The following FTO variants were observed in gnomAD, a reference collection of about 807,000 sequenced individuals.
The protein encoded by FTO is FTO alpha-ketoglutarate dependent dioxygenase.
FTO carries 47 observed loss-of-function variants against 63.9 expected under a neutral mutation model. The ratio of observed to expected loss-of-function variants is 0.74; its 90% confidence interval spans 0.58 to 0.94. The LOEUF (loss-of-function observed/expected upper bound fraction) is 0.94, where lower values mean the gene tolerates loss of function less well. FTO is among the 40% of genes least tolerant of loss of function. The pLI, the probability that FTO is intolerant of heterozygous loss-of-function variation, is 0.00. For missense variants in FTO, 562 were observed against 618.1 expected (o/e 0.91, Z 0.96); for synonymous variants, 207 against 224.4 (o/e 0.92, Z 0.69).
At chr16:54,067,678 A>G (rs550013023) in intron 8 of FTO, among the ~76,000 whole-genome samples, 2 of 152,320 alleles carry the variant, frequency 1.3e-5, no homozygotes, top group South Asian at 2.1e-4. Flanking sequence ...CTAATGTTCC[A>G]TGTAGTATTT....
rs1481097177 is a variant in FTO at position 54,113,004 on chromosome 16, A to T, written c.*1089A>T. The T allele has an allele frequency of 6.6e-6, 1 of 152,210 alleles. No homozygotes were observed. The highest frequency in any genetic ancestry group is 2.1e-4 in the South Asian group (1 of 4,826). The allele number at this position is 152,210 out of a possible 1,614,324, so 9.4% of individuals were successfully genotyped here. A position where few individuals can be genotyped will look rare whatever the true frequency, so the allele number is the denominator to read the frequency against. On this transcript the variant is annotated 3_prime_UTR_variant, in exon 9 of 9. Coordinates refer to ENST00000471389, the MANE Select transcript of FTO (RefSeq NM_001080432.3). ...GTCCTTTGGCATGTTAACGTGCCTC[A>T]GTTTCCTCATCTGTATAATGGGGAT...
At chr16:53,965,112 T>A (rs368922906) in intron 8 of FTO, among the ~76,000 whole-genome samples, 3 of 152,142 alleles carry the variant, frequency 2.0e-5, no homozygotes, top group Admixed American at 6.5e-5. Context: ...CTCCCTCTGT[T>A]GCCCAGGCTG....
intron 8 of FTO, among the ~76,000 whole-genome samples, chr16:54,051,940 G>A (rs985367949): frequency 2.0e-5 from 3 of 152,190 alleles, no homozygotes; most frequent in Admixed American, 1.3e-4. Context: ...AAGGTTGTTT[G>A]ATAACATCTC....
intron 3 of FTO, among the ~76,000 whole-genome samples, chr16:53,828,597 G>T (rs556480007): frequency 6.6e-6 from 1 of 152,126 alleles, no homozygotes; most frequent in Non-Finnish European, 1.5e-5. Flanking sequence ...CACCTACTAC[G>T]TGCTACATGC....
intron 8 of FTO, among the ~76,000 whole-genome samples, chr16:54,012,662 G>A (rs1178330653): frequency 1.3e-5 from 2 of 152,232 alleles, no homozygotes; most frequent in South Asian, 2.1e-4. Context: ...ACTTTAAGTC[G>A]AAGCTATTGC....
chr16:53,921,963 C>T (rs2151956337), intron 7 of FTO, among the ~76,000 whole-genome samples: 1 of 152,238 alleles, frequency 6.6e-6, no homozygotes, highest in East Asian at 1.9e-4. Context: ...AATTAGCATG[C>T]TAAGTACTTC....
chr16:53,796,100 G>A (rs551460853), intron 1 of FTO, among the ~76,000 whole-genome samples: 6 of 148,780 alleles, frequency 4.0e-5, no homozygotes, highest in Admixed American at 2.0e-4. Context: ...GTAGGCTGGA[G>A]TGCAATGGCG....
chr16:53,817,200 A>C (rs1375304910), intron 2 of FTO, among the ~76,000 whole-genome samples: 2 of 152,254 alleles, frequency 1.3e-5, no homozygotes. Context: ...TGAATGAATG[A>C]ATGAATGAAC....
intron 4 of FTO, among the ~76,000 whole-genome samples, chr16:53,871,724 C>G (rs1476587203): frequency 1.3e-5 from 2 of 151,156 alleles, no homozygotes; most frequent in African/African-American, 2.4e-5. Context: ...GAAGTTGGAT[C>G]CTTTTTTTTT....
intron 8 of FTO, among the ~76,000 whole-genome samples, chr16:53,979,803 A>G (rs750897699): frequency 6.6e-6 from 1 of 152,188 alleles, no homozygotes; most frequent in Admixed American, 6.5e-5. Flanking sequence ...ATTACAGTCT[A>G]TAATTAAGAA....
intron 8 of FTO, among the ~76,000 whole-genome samples, chr16:54,014,115 T>C (rs1224707994): frequency 6.6e-6 from 1 of 152,220 alleles, no homozygotes; most frequent in Non-Finnish European, 1.5e-5. Context: ...ATATGCACTT[T>C]GGTTTTCAGG....
chr16:53,887,005 T>G (rs2151903508), intron 6 of FTO: 1 of 152,350 alleles, frequency 6.6e-6, no homozygotes, highest in South Asian at 2.1e-4. Flanking sequence ...TTCAAGTTGA[T>G]GAATGATAGA....
chr16:53,767,229 C>G (rs2077229603), intron 1 of FTO, among the ~76,000 whole-genome samples: 1 of 152,186 alleles, frequency 6.6e-6, no homozygotes, highest in South Asian at 2.1e-4. Flanking sequence ...ATGGATGGCT[C>G]AATCCAACCC....
Position 53,873,811 on chromosome 16 carries a change from C to G in FTO, c.921C>G (p.His307Gln). Residue 307 changes from histidine (H) to glutamine (Q), a missense_variant, in exon 5 of 9, where the codon CAC (histidine) becomes CAG (glutamine). Physicochemically the swap from His to Gln is conservative, Grantham distance 24. Coordinates refer to ENST00000471389, the MANE Select transcript of FTO (RefSeq NM_001080432.3). Reference protein sequence around the residue: ...MLDDLNATHQHCVLAGSQPRF... With the variant: ...MLDDLNATHQQCVLAGSQPRF... The stretch of plus-strand genomic sequence containing the variant: ...ATGATCTCAATGCCACCCACCAACA[C>G]TGTGTTTTGGCCGGTTCACAACCTC... 6.2e-7 allele frequency: 1 copy of G among 1,613,116 alleles called. No homozygotes were observed. Among genetic ancestry groups the G allele is most frequent in the South Asian group, 1.1e-5 (1 of 91,062 alleles).
intron 8 of FTO, among the ~76,000 whole-genome samples, chr16:54,082,366 T>G (rs1489123228): frequency 6.6e-6 from 1 of 152,098 alleles, no homozygotes; most frequent in Non-Finnish European, 1.5e-5. Context: ...AATACCAAAG[T>G]TTTATAATAT....
chr16:54,082,495 C>G (rs2086173487), intron 8 of FTO, among the ~76,000 whole-genome samples: 1 of 152,156 alleles, frequency 6.6e-6, no homozygotes, highest in African/African-American at 2.4e-5. Flanking sequence ...TCAAATTGTC[C>G]TTAACATTGT....
intron 8 of FTO, among the ~76,000 whole-genome samples, chr16:54,060,635 C>T (rs1430632759): frequency 4.6e-5 from 7 of 152,190 alleles, no homozygotes; most frequent in African/African-American, 1.4e-4. Context: ...AATTAGCAGA[C>T]TCCTGGGGCA....
At position 54,046,146 on chromosome 16, in the gene FTO, G is replaced by T. The variant is rs201592656; in HGVS notation, c.1365-65616G>T. Among the ~76,000 whole-genome samples the T allele has an allele frequency of 2.1e-5, 2 of 94,724 alleles. 1 individual carries two copies. The highest frequency in any genetic ancestry group is 3.6e-5 in the Non-Finnish European group (2 of 56,166). The allele number at this position is 94,724 out of a possible 152,430, so 62.1% of individuals were successfully genotyped here. On this transcript the variant is annotated intron_variant, in intron 8 of 8. Coordinates refer to ENST00000471389, the MANE Select transcript of FTO (RefSeq NM_001080432.3). ...AGGAGAAGGAAATAAAGGGTATTCA[G>T]TTAGGAAAAGAGGAAGTCAAATTGT...
chr16:53,706,133 T>C (rs911088856), intron 1 of FTO, among the ~76,000 whole-genome samples: 2 of 152,200 alleles, frequency 1.3e-5, no homozygotes, highest in East Asian at 3.8e-4. Context: ...GCAAATTGTC[T>C]TCCTTTTTTC....
Sources: gnomAD v4.1 joint callset for allele counts (sites outside exome capture counted in the v4.1 genomes callset) on GRCh38, gnomAD v4.1.1 for gene constraint, MANE v1.5 for transcripts, NCBI Gene and HGNC (gene_info 2026-07-23, HGNC 2026-07-21) for gene names.